UNC13C: variants seen among roughly 807,000 people sequenced by gnomAD.
UNC13C encodes unc-13 homolog C, also known as protein unc-13 homolog C.
In UNC13C, 174 loss-of-function variants were observed where a neutral mutation model predicts 245.4. That is an observed-to-expected ratio of 0.71 (90% CI 0.63 to 0.80). The LOEUF (loss-of-function observed/expected upper bound fraction) is 0.80, where lower values mean the gene tolerates loss of function less well. UNC13C is among the 30% of genes least tolerant of loss of function. UNC13C has a pLI of 0.00. For synonymous variants in UNC13C, 992 were observed against 895.1 expected, an observed-to-expected ratio of 1.11 and a Z score of -1.93; for missense variants, 2,829 against 2,602.9, an observed-to-expected ratio of 1.09 and a Z score of -1.89.
At chr15:54,553,558 GATTT>G (rs1896962132) in intron 28 of UNC13C, among the ~76,000 whole-genome samples, 1 of 146,502 alleles carries the variant, frequency 6.8e-6, no homozygotes, top group Non-Finnish European at 1.5e-5. Context: ...CATATAATCA[GATTT>G]ATTTGACATA....
intron 19 of UNC13C, among the ~76,000 whole-genome samples, chr15:54,461,602 AT>A (rs1437077978): frequency 2.6e-5 from 4 of 152,226 alleles, no homozygotes; most frequent in Admixed American, 6.5e-5. Context: ...GATTATGGGA[AT>A]AATTTAGTAG....
At chr15:54,144,347 T>C (rs1307785895) in intron 4 of UNC13C, among the ~76,000 whole-genome samples, 2 of 152,102 alleles carry the variant, frequency 1.3e-5, no homozygotes, top group Admixed American at 1.3e-4. Flanking sequence ...TTTTTTGCAT[T>C]TTAACATAAA....
the UNC13C span, among the ~76,000 whole-genome samples, chr15:53,895,956 A>T: frequency 6.7e-6 from 1 of 150,340 alleles, no homozygotes; most frequent in African/African-American, 2.5e-5. Flanking sequence ...GTATATTTTA[A>T]CTTTAGCATT....
chr15:53,994,113 C>T (rs1894511295), intron 1 of UNC13C, among the ~76,000 whole-genome samples: 2 of 151,820 alleles, frequency 1.3e-5, no homozygotes, highest in Admixed American at 1.3e-4. Context: ...TATTTATTCT[C>T]AGAGCTTGCT....
At chr15:54,598,970 G>C (rs1899249329) in intron 30 of UNC13C, among the ~76,000 whole-genome samples, 1 of 152,024 alleles carries the variant, frequency 6.6e-6, no homozygotes, top group Non-Finnish European at 1.5e-5. Flanking sequence ...AAAATCAATT[G>C]TGCTATGGTA....
intron 30 of UNC13C, among the ~76,000 whole-genome samples, chr15:54,589,441 G>C (rs1454555927): frequency 6.6e-6 from 1 of 151,658 alleles, no homozygotes; most frequent in Non-Finnish European, 1.5e-5. Context: ...TGGGATTACA[G>C]GCACATGCCA....
chr15:54,057,642 A>G (rs183669324), intron 2 of UNC13C, among the ~76,000 whole-genome samples: 1 of 152,288 alleles, frequency 6.6e-6, no homozygotes, highest in Admixed American at 6.5e-5. Flanking sequence ...CTCCACCCCA[A>G]ATCAACAGAA....
the UNC13C span, among the ~76,000 whole-genome samples, chr15:53,852,697 G>A: frequency 2.0e-5 from 3 of 152,108 alleles, no homozygotes; most frequent in African/African-American, 4.8e-5. Flanking sequence ...TTACCATATC[G>A]TGTCCATTCT....
In UNC13C at chr15:54,433,833, C is replaced by G. The variant is rs111227746; in HGVS notation, c.4933+18766C>G. ...ATGACATGATTGTATATTTAGAAAA[C>G]CGATTGTCTCAGCCCAAAATTCCTC... is the stretch of plus-strand genomic sequence containing the variant. On this transcript the variant is annotated intron_variant, in intron 19 of 32. Coordinates refer to ENST00000260323, the MANE Select transcript of UNC13C (RefSeq NM_001080534.3). Among the ~76,000 whole-genome samples, 506 of 152,030 alleles carry G rather than the reference C, an allele frequency of 3.3e-3. 1 individual carries two copies. Among genetic ancestry groups the G allele is most frequent in the African/African-American group, 0.012 (488 of 41,516 alleles).
rs190194289 is a variant in UNC13C at position 54,503,341 on chromosome 15, A to G, written c.5301+2363A>G. ...TTTTTAACTCTTGCAGTAACTTACT[A>G]TACAGAATAATAAATAAAAAGCAAA... is the stretch of plus-strand genomic sequence containing the variant. On this transcript the variant is annotated intron_variant, in intron 22 of 32. Transcript: ENST00000260323. Among the ~76,000 whole-genome samples the G allele has an allele frequency of 5.1e-3, 769 of 152,270 alleles. 6 individuals are homozygous for G. Among genetic ancestry groups the G allele is most frequent in the Middle Eastern group, 0.014 (4 of 294 alleles).
chr15:54,455,164 C>CCTCTCTCTCTCTCTCTCTCT (rs1203605020), intron 19 of UNC13C, among the ~76,000 whole-genome samples: 2 of 17,520 alleles, frequency 1.1e-4, no homozygotes, highest in African/African-American at 1.9e-4. Context: ...GAGTCATATT[C>CCTCTCTCTCTCTCTCTCTCT]CTCTCTCTCT....
At chr15:53,996,925 G>A (rs908747852) in intron 1 of UNC13C, among the ~76,000 whole-genome samples, 1 of 151,428 alleles carries the variant, frequency 6.6e-6, no homozygotes, top group Non-Finnish European at 1.5e-5. Flanking sequence ...TTTCTCATGG[G>A]TGAGTACTTA....
chr15:54,423,555 C>T (rs559539366), intron 19 of UNC13C, among the ~76,000 whole-genome samples: 1 of 151,792 alleles, frequency 6.6e-6, no homozygotes, highest in East Asian at 2.0e-4. Flanking sequence ...TCTCTTCAAA[C>T]AAATTAAGAT....
At chr15:54,412,304 C>A (rs1375629815) in intron 18 of UNC13C, among the ~76,000 whole-genome samples, 1 of 152,074 alleles carries the variant, frequency 6.6e-6, no homozygotes, top group Non-Finnish European at 1.5e-5. Flanking sequence ...CCTCAGGAAA[C>A]ATAATCATGG....
chr15:54,213,250 CTT>C (rs1236978332), intron 4 of UNC13C, among the ~76,000 whole-genome samples: 1 of 151,816 alleles, frequency 6.6e-6, no homozygotes, highest in African/African-American at 2.4e-5. Context: ...CACTTTAAAA[CTT>C]TTAAAAATGA....
intron 4 of UNC13C, among the ~76,000 whole-genome samples, chr15:54,230,828 C>T (rs971005242): frequency 4.6e-5 from 7 of 151,900 alleles, no homozygotes; most frequent in Non-Finnish European, 1.0e-4. Flanking sequence ...CATTGCCTAC[C>T]TATATCAAAA....
chr15:54,072,012 G>T (rs1007346475), intron 2 of UNC13C, among the ~76,000 whole-genome samples: 1 of 152,110 alleles, frequency 6.6e-6, no homozygotes, highest in South Asian at 2.1e-4. Context: ...GATGACCTTA[G>T]ATTTGCTTCT....
At chr15:54,429,445 AAC>A (rs780288174) in intron 19 of UNC13C, among the ~76,000 whole-genome samples, 5 of 151,706 alleles carry the variant, frequency 3.3e-5, no homozygotes, top group African/African-American at 9.7e-5. Flanking sequence ...CTCAAATCAC[AAC>A]AGTTATTTCC....
At chr15:54,573,274 G>T (rs374798865) in intron 30 of UNC13C, among the ~76,000 whole-genome samples, 11 of 151,806 alleles carry the variant, frequency 7.2e-5, no homozygotes, top group East Asian at 3.9e-4. Flanking sequence ...GAAGAGATTT[G>T]GATGTCATCT....
Sources: allele counts gnomAD v4.1 joint callset (sites outside exome capture counted in the v4.1 genomes callset), GRCh38; gene constraint gnomAD v4.1.1; transcripts MANE v1.5; gene names NCBI Gene and HGNC (gene_info 2026-07-23, HGNC 2026-07-21).